Variants in SMAD2 observed in about 807,000 individuals in gnomAD.
The protein encoded by SMAD2 is MAD homolog 2.
In SMAD2, 8 loss-of-function variants were observed where a neutral mutation model predicts 64.4. The ratio of observed to expected loss-of-function variants is 0.12; its 90% CI spans 0.07 to 0.22. The LOEUF (loss-of-function observed/expected upper bound fraction) is 0.22. Among genes scored for constraint, SMAD2 ranks in the 10% least tolerant of loss-of-function variants. The pLI is 1.00. For missense variants in SMAD2, 289 were observed against 561.2 expected, an observed-to-expected ratio of 0.51 and a Z score of 4.90; for synonymous variants, 203 against 195.8, an observed-to-expected ratio of 1.04 and a Z score of -0.31.
rs1383076523 is a variant in SMAD2 at position 47,813,550 on chromosome 18, GCACACA to G, written c.*28271_*28276del. 8 of 151,754 alleles carry G rather than the reference GCACACA, an allele frequency of 5.3e-5. No individual in the cohort carries two copies. Among genetic ancestry groups the G allele is most frequent in the African/African-American group, 1.9e-4 (8 of 41,208 alleles). 9.4% of individuals were successfully genotyped at this position (151,754 alleles called of 1,614,324 possible). A position where few individuals can be genotyped will look rare whatever the true frequency, so the allele number is the denominator to read the frequency against. ...GCCTCCCGAGTAGCTGGGATTACAG[GCACACA>G]CCACCACACCCGGCTAATTTTCTGC... is the stretch of plus-strand genomic sequence containing the variant. On this transcript the variant is annotated 3_prime_UTR_variant, in exon 11 of 11. Transcript: ENST00000262160.
intron 1 of SMAD2, among the ~76,000 whole-genome samples, chr18:47,898,974 T>C (rs879544039): frequency 1.1e-4 from 17 of 152,108 alleles, no homozygotes; most frequent in Admixed American, 5.2e-4. Flanking sequence ...AACTACACTG[T>C]TGAGCTGGGA....
rs2144267239 is a variant in SMAD2 at position 47,837,966 on chromosome 18, C to G, written c.*3861G>C. 1 of 232,630 alleles carries G rather than the reference C, an allele frequency of 4.3e-6. No homozygotes were observed. Among genetic ancestry groups the G allele is most frequent in the Middle Eastern group, 1.3e-3 (1 of 780 alleles). The allele number at this position is 232,630 out of a possible 1,614,324, so 14.4% of individuals were successfully genotyped here. On this transcript the variant is annotated 3_prime_UTR_variant, in exon 11 of 11. Coordinates refer to ENST00000262160, the MANE Select transcript of SMAD2 (RefSeq NM_005901.6). The stretch of plus-strand genomic sequence containing the variant: ...CGCCACCCTCAGACGAAGAGGGTAT[C>G]TAACACTGAATAAATGCTGAACCTA...
intron 1 of SMAD2, among the ~76,000 whole-genome samples, chr18:47,918,580 CA>C (rs1216855400): frequency 1.8e-4 from 28 of 152,266 alleles, no homozygotes; most frequent in African/African-American, 5.5e-4. Flanking sequence ...AAACGTCAAA[CA>C]AAACCAGAAA....
chr18:47,912,252 A>C (rs796972530), intron 1 of SMAD2: 7 of 152,330 alleles, frequency 4.6e-5, no homozygotes, highest in African/African-American at 1.7e-4. Context: ...TGAAGACAGA[A>C]ATTACTGCTA....
chr18:47,861,881 T>C (rs2031214286), intron 6 of SMAD2, among the ~76,000 whole-genome samples: 1 of 152,228 alleles, frequency 6.6e-6, no homozygotes. Flanking sequence ...GCCTTATAAA[T>C]ATCAGTCCTA....
rs1160708607 is a variant in SMAD2 at position 47,869,346 on chromosome 18, A to G, written c.417T>C (p.Ser139=). 2 of 1,613,748 alleles carry G rather than the reference A, an allele frequency of 1.2e-6. No individual in the cohort carries two copies. Among genetic ancestry groups the G allele is most frequent in the Non-Finnish European group, 1.7e-6 (2 of 1,179,734 alleles). The change falls in exon 4 of 11, where the codon AGT becomes AGC. Residue 139 remains serine (S), a synonymous_variant. Coordinates refer to ENST00000262160, the MANE Select transcript of SMAD2 (RefSeq NM_005901.6). The part of the protein sequence containing the change: ...CRLWRWPDLH[S]HHELKAIENC... ...TTTCAATTGCCTTGAGTTCATGATG[A>G]CTGTGAAGATCAGGCCAGCGCCATA...
At chr18:47,889,615 C>A (rs1246541674) in intron 2 of SMAD2, among the ~76,000 whole-genome samples, 1 of 151,846 alleles carries the variant, frequency 6.6e-6, no homozygotes, top group African/African-American at 2.4e-5. Context: ...ACTAAAAATA[C>A]AAAAAATTAG....
intron 6 of SMAD2, among the ~76,000 whole-genome samples, chr18:47,861,201 G>A (rs1448621251): frequency 4.6e-5 from 7 of 152,036 alleles, no homozygotes; most frequent in African/African-American, 1.7e-4. Context: ...ACTAAAATAC[G>A]AAAAATAAGC....
rs2144221778 is a variant in SMAD2 at position 47,811,577 on chromosome 18, A to C, written c.*30250T>G. 1 of 152,210 alleles carries C rather than the reference A, an allele frequency of 6.6e-6. No individual in the cohort carries two copies. Among genetic ancestry groups the C allele is most frequent in the East Asian group, 1.9e-4 (1 of 5,176 alleles). The allele number at this position is 152,210 out of a possible 1,614,324, so 9.4% of individuals were successfully genotyped here. A position where few individuals can be genotyped will look rare whatever the true frequency, so the allele number is the denominator to read the frequency against. On this transcript the variant is annotated 3_prime_UTR_variant, in exon 11 of 11. Transcript: ENST00000262160. ...TTACTTCTGTAAGCTGGGTTGGGTG[A>C]ATTGGTCCTCAACCATGCATCTCCT...
intron 2 of SMAD2, among the ~76,000 whole-genome samples, chr18:47,873,900 G>C (rs944905816): frequency 6.6e-6 from 1 of 152,096 alleles, no homozygotes; most frequent in Non-Finnish European, 1.5e-5. Flanking sequence ...TACTGACCTA[G>C]AATCAGAGGA....
In SMAD2 at chr18:47,839,071, C is replaced by G. The variant is rs1161867989; in HGVS notation, c.*2756G>C. The G allele has an allele frequency of 4.3e-6, 1 of 233,102 alleles. No homozygotes were observed. The highest frequency in any genetic ancestry group is 6.0e-5 in the East Asian group (1 of 16,670). The allele number at this position is 233,102 out of a possible 1,614,324, so 14.4% of individuals were successfully genotyped here. A position where few individuals can be genotyped will look rare whatever the true frequency, so the allele number is the denominator to read the frequency against. On this transcript the variant is annotated 3_prime_UTR_variant, in exon 11 of 11. Transcript: ENST00000262160. ...GTAGATAAAATACAAAAAACATCAT[C>G]TCGTTAAAAAGCATCAAACACATTC...
At chr18:47,894,005 A>C (rs2033324963) in intron 2 of SMAD2, among the ~76,000 whole-genome samples, 1 of 152,202 alleles carries the variant, frequency 6.6e-6, no homozygotes, top group South Asian at 2.1e-4. Context: ...CCAGAATATG[A>C]GCTCTCAGAG....
At position 47,835,501 on chromosome 18, in the gene SMAD2, A is replaced by T; in HGVS notation, c.*6326T>A. The T allele has an allele frequency of 5.1e-6, 1 of 196,794 alleles. No homozygotes were observed. Among genetic ancestry groups the T allele is most frequent in the Non-Finnish European group, 1.1e-5 (1 of 94,826 alleles). The allele number at this position is 196,794 out of a possible 1,614,324, so 12.2% of individuals were successfully genotyped here. On this transcript the variant is annotated 3_prime_UTR_variant, in exon 11 of 11. Coordinates refer to ENST00000262160, the MANE Select transcript of SMAD2 (RefSeq NM_005901.6). ...AAGAGTGGCAAACAAATGTTTTCTT[A>T]GGGACTTACTGAGAAAAGAAAAAAC...
intron 2 of SMAD2, among the ~76,000 whole-genome samples, chr18:47,889,844 C>T (rs552921266): frequency 6.6e-6 from 1 of 151,636 alleles, no homozygotes; most frequent in South Asian, 2.1e-4. Flanking sequence ...TTTTTAAATG[C>T]CTATTTTAGC....
At chr18:47,884,745 G>C (rs1383744621) in intron 2 of SMAD2, among the ~76,000 whole-genome samples, 3 of 152,080 alleles carry the variant, frequency 2.0e-5, no homozygotes, top group Non-Finnish European at 4.4e-5. Context: ...TCACACTCCT[G>C]TAAGTCACAC....
intron 2 of SMAD2, among the ~76,000 whole-genome samples, chr18:47,879,836 C>G (rs1378218676): frequency 6.6e-6 from 1 of 152,092 alleles, no homozygotes; most frequent in Non-Finnish European, 1.5e-5. Context: ...ATTCCAAAGC[C>G]TCATCAACAT....
chr18:47,857,413 T>C (rs1258979275), intron 6 of SMAD2, among the ~76,000 whole-genome samples: 1 of 152,216 alleles, frequency 6.6e-6, no homozygotes, highest in African/African-American at 2.4e-5. Context: ...GAGAGCATAA[T>C]TCTGTTCATA....
In SMAD2 at chr18:47,930,546, GC is replaced by G. The variant is rs1381898748; in HGVS notation, c.-240del. The G allele has an allele frequency of 5.4e-5, 8 of 148,804 alleles. No homozygotes were observed. The highest frequency in any genetic ancestry group is 4.6e-4 in the Admixed American group (7 of 15,130). The allele number at this position is 148,804 out of a possible 1,614,324, so 9.2% of individuals were successfully genotyped here. ...CCCCCAGGCCCGGGCCCGGCCGGCG[GC>G]CCGGGCGCGCGGGAGGGTAGGGGAA... On this transcript the variant is annotated 5_prime_UTR_variant, in exon 1 of 11. Coordinates refer to ENST00000262160, the MANE Select transcript of SMAD2 (RefSeq NM_005901.6).
chr18:47,877,505 G>C (rs1463244437), intron 2 of SMAD2, among the ~76,000 whole-genome samples: 1 of 152,062 alleles, frequency 6.6e-6, no homozygotes, highest in Non-Finnish European at 1.5e-5. Flanking sequence ...AGTACTATGT[G>C]TGGCTGTATA....
Sources: allele counts gnomAD v4.1 joint callset (sites outside exome capture counted in the v4.1 genomes callset), GRCh38; gene constraint gnomAD v4.1.1; transcripts MANE v1.5; gene names NCBI Gene and HGNC (gene_info 2026-07-23, HGNC 2026-07-21).